AGO2: variants seen among roughly 807,000 people sequenced by gnomAD.
The protein encoded by AGO2 is protein argonaute-2.
A neutral mutation model predicts 102.3 loss-of-function variants in AGO2; 5 were observed. The observed-to-expected ratio is 0.05, with a 90% CI of 0.03 to 0.10. The LOEUF is 0.10. Ranked by LOEUF, AGO2 falls within the 10% of genes least tolerant of loss-of-function variation. The pLI is 1.00. For missense variants in AGO2, 541 were observed against 1,183.7 expected (o/e 0.46, Z 7.97); for synonymous variants, 449 against 473.1 (o/e 0.95, Z 0.66).
At chr8:140,603,282 G>C (rs1212678546) in intron 1 of AGO2, among the ~76,000 whole-genome samples, 1 of 152,232 alleles carries the variant, frequency 6.6e-6, no homozygotes, top group Admixed American at 6.5e-5. Context: ...AGCGGAGTGC[G>C]TGGTGCCTCC....
intron 9 of AGO2, 43 bp downstream of exon 9, chr8:140,556,124 G>T: frequency 6.2e-7 from 1 of 1,612,532 alleles, no homozygotes. Context: ...AGGGCAACCG[G>T]ACTGGATTCC....
chr8:140,610,640 G>A (rs995600387), intron 1 of AGO2, among the ~76,000 whole-genome samples: 1 of 152,214 alleles, frequency 6.6e-6, no homozygotes, highest in Admixed American at 6.5e-5. Flanking sequence ...CAGGGAGCCC[G>A]GCTCCCATAC....
intron 14 of AGO2, among the ~76,000 whole-genome samples, chr8:140,542,483 T>C (rs1484448050): frequency 6.7e-6 from 1 of 148,494 alleles, no homozygotes; most frequent in Admixed American, 6.7e-5. Flanking sequence ...TAAACAGAAA[T>C]ACATTAACAT....
chr8:140,550,129 A>C (rs1588447665), intron 11 of AGO2, among the ~76,000 whole-genome samples: 1 of 151,586 alleles, frequency 6.6e-6, no homozygotes, highest in Non-Finnish European at 1.5e-5. Context: ...TGCTTCCCAA[A>C]CCCCCTCTCT....
intron 1 of AGO2, among the ~76,000 whole-genome samples, chr8:140,600,956 TTG>T (rs1172275298): frequency 6.6e-6 from 1 of 151,258 alleles, no homozygotes; most frequent in Non-Finnish European, 1.5e-5. Flanking sequence ...CGAATTCGAA[TTG>T]TGTCTAAATC....
chr8:140,544,119 C>G, intron 14 of AGO2, 94 bp downstream of exon 14: 1 of 1,371,360 alleles, frequency 7.3e-7, no homozygotes, highest in Non-Finnish European at 9.7e-7. Context: ...CCATGCCTTT[C>G]AGGAAGGACC....
At position 140,581,620 on chromosome 8, in the gene AGO2, C is replaced by T. The variant is rs529222738; in HGVS notation, c.215+3499G>A. On this transcript the variant is annotated intron_variant, in intron 2 of 18. Coordinates refer to ENST00000220592, the MANE Select transcript of AGO2 (RefSeq NM_012154.5). ...CACACAGGGTTCTATCCCAGGGAAACGCAAAAACAAACCAGCAGTCCCACT... is the reference window on the plus strand; with the variant it reads ...CACACAGGGTTCTATCCCAGGGAAATGCAAAAACAAACCAGCAGTCCCACT... Among the ~76,000 whole-genome samples, 5 of 152,216 alleles carry T rather than the reference C, an allele frequency of 3.3e-5. No homozygotes were observed. The South Asian group carries it at 6.2e-4, about 19-fold the overall frequency.
chr8:140,601,068 A>G (rs1039750837), intron 1 of AGO2, among the ~76,000 whole-genome samples: 4 of 152,176 alleles, frequency 2.6e-5, no homozygotes, highest in Admixed American at 1.3e-4. Context: ...GTGTCCACAC[A>G]GCAGCCAGAG....
intron 17 of AGO2, 64 bp from the exon 18 acceptor site, chr8:140,532,679 G>A: frequency 2.0e-6 from 3 of 1,487,832 alleles, no homozygotes; most frequent in Non-Finnish European, 2.8e-6. Flanking sequence ...ATACTGTGGA[G>A]AAGATTTATA....
chr8:140,534,384 G>A (rs2072657832), intron 17 of AGO2, among the ~76,000 whole-genome samples: 1 of 152,236 alleles, frequency 6.6e-6, no homozygotes, highest in South Asian at 2.1e-4. Context: ...ACTGAACAGA[G>A]GGCACACGCA....
chr8:140,557,930 G>C lies in AGO2; in HGVS notation c.878+555C>G, dbSNP rs2073129007. Among the ~76,000 whole-genome samples, 1 of 152,208 alleles carries C rather than the reference G, an allele frequency of 6.6e-6. No homozygotes were observed. The highest frequency in any genetic ancestry group is 2.4e-5 in the African/African-American group (1 of 41,454). On this transcript the variant is annotated intron_variant, in intron 7 of 18. Coordinates refer to ENST00000220592, the MANE Select transcript of AGO2 (RefSeq NM_012154.5). The surrounding 1 kb of genome is among the most constrained non-coding windows in gnomAD (Gnocchi z 5.9). Reference sequence around the variant, plus strand: ...TTGGTACCTCCAGTGCCTGGCAACAGGCCTGGCACTTTCCATGGAATGATC... The same window carrying C: ...TTGGTACCTCCAGTGCCTGGCAACACGCCTGGCACTTTCCATGGAATGATC...
At position 140,599,080 on chromosome 8, in the gene AGO2, GCCT is replaced by G. The variant is rs559306851; in HGVS notation, c.23-13772_23-13770del. 2.2e-3 allele frequency among the ~76,000 whole-genome samples: 342 copies of G among 152,320 alleles called. 1 individual carries two copies. The highest frequency in any genetic ancestry group is 6.8e-3 in the Middle Eastern group (2 of 294). ...CTGGAGCCCAGTGACTACAGGGTTGGCCTCCTCATCTTGCCACCACTCACAATG... is the reference window on the plus strand; with the variant it reads ...CTGGAGCCCAGTGACTACAGGGTTGGCCTCATCTTGCCACCACTCACAATG... On this transcript the variant is annotated intron_variant, in intron 1 of 18. Coordinates refer to ENST00000220592, the MANE Select transcript of AGO2 (RefSeq NM_012154.5).
At chr8:140,616,385 C>T (rs1238742002) in intron 1 of AGO2, among the ~76,000 whole-genome samples, 1 of 152,246 alleles carries the variant, frequency 6.6e-6, no homozygotes, top group East Asian at 1.9e-4. Context: ...TAATTCACTT[C>T]ACTCCCACAG....
At chr8:140,551,152 C>G in intron 11 of AGO2, 151 bp downstream of exon 11, 1 of 971,608 alleles carries the variant, frequency 1.0e-6, no homozygotes, top group East Asian at 2.9e-5. Flanking sequence ...GCCAATGGTA[C>G]GTGACAGGGA....
At chr8:140,573,366 ACAAGGT>A (rs2073415857) in intron 2 of AGO2, among the ~76,000 whole-genome samples, 1 of 151,346 alleles carries the variant, frequency 6.6e-6, no homozygotes, top group African/African-American at 2.4e-5. Flanking sequence ...TTTAGTAGAT[ACAAGGT>A]TTCATCATGT....
intron 1 of AGO2, among the ~76,000 whole-genome samples, chr8:140,633,752 G>A (rs978910023): frequency 2.0e-5 from 3 of 152,314 alleles, no homozygotes. Context: ...CTCGGAAGTC[G>A]GACCGATTGT....
chr8:140,523,202 A>C lies in AGO2; in HGVS notation c.*8842T>G, dbSNP rs746000972. Reference sequence around the variant, plus strand: ...AGGTAGAAACAAGCCCACAGACAATACATAGAGTACCACCTGAAACGAGGC... The same window carrying C: ...AGGTAGAAACAAGCCCACAGACAATCCATAGAGTACCACCTGAAACGAGGC... On this transcript the variant is annotated 3_prime_UTR_variant, in exon 19 of 19. Transcript: ENST00000220592. 1 of 152,178 alleles carries C rather than the reference A, an allele frequency of 6.6e-6. No homozygotes were observed. The highest frequency in any genetic ancestry group is 1.5e-5 in the Non-Finnish European group (1 of 68,030). 9.4% of individuals were successfully genotyped at this position (152,178 alleles called of 1,614,324 possible).
intron 1 of AGO2, among the ~76,000 whole-genome samples, chr8:140,608,689 G>A (rs1192581366): frequency 2.6e-5 from 4 of 152,218 alleles, no homozygotes; most frequent in Non-Finnish European, 5.9e-5. Context: ...CCTCCACTGC[G>A]CAGGCCAAGC....
rs571001007 is a variant in AGO2 at position 140,542,054 on chromosome 8, C to T, written c.1840-696G>A. On this transcript the variant is annotated intron_variant, in intron 14 of 18. Coordinates refer to ENST00000220592, the MANE Select transcript of AGO2 (RefSeq NM_012154.5). Reference sequence around the variant, plus strand: ...ACTACAAGCACATCAACAGCATCCCCGAAGGCACACCAGCCATGCAAGCAG... The same window carrying T: ...ACTACAAGCACATCAACAGCATCCCTGAAGGCACACCAGCCATGCAAGCAG... Among the ~76,000 whole-genome samples, 129 of 152,252 alleles carry T rather than the reference C, an allele frequency of 8.5e-4. 1 individual carries two copies. Among genetic ancestry groups the T allele is most frequent in the African/African-American group, 3.0e-3 (123 of 41,548 alleles).
Sources: gnomAD v4.1 joint callset for allele counts (sites outside exome capture counted in the v4.1 genomes callset) on GRCh38, gnomAD v4.1.1 for gene constraint, Gnocchi (gnomAD v3.1) non-coding constraint, MANE v1.5 for transcripts, NCBI Gene and HGNC (gene_info 2026-07-23, HGNC 2026-07-21) for gene names.